Variants in CAST observed in about 807,000 individuals in gnomAD.
CAST encodes MIR583 host.
CAST carries 76 observed loss-of-function variants against 119.6 expected under a neutral mutation model. The observed-to-expected ratio is 0.64, with a 90% CI of 0.53 to 0.77. The LOEUF is 0.77. CAST is among the 30% of genes least tolerant of loss of function. The pLI is 0.00. For synonymous variants in CAST, 319 were observed against 331.6 expected, an observed-to-expected ratio of 0.96 and a Z score of 0.41; for missense variants, 953 against 946.5, an observed-to-expected ratio of 1.01 and a Z score of -0.09.
chr5:96,099,371 A>G, the CAST span, among the ~76,000 whole-genome samples: 1 of 152,190 alleles, frequency 6.6e-6, no homozygotes, highest in South Asian at 2.1e-4. Context: ...GTTGAATAAG[A>G]GTGGTGAGAG....
chr5:96,662,609 G>A, intron 1 of CAST, 112 bp downstream of exon 1: 2 of 1,250,718 alleles, frequency 1.6e-6, no homozygotes, highest in South Asian at 2.5e-5. Flanking sequence ...AGTCCCCGGC[G>A]CCCCCGCGGG....
At chr5:96,693,549 C>T (rs1226072458) in intron 2 of CAST, among the ~76,000 whole-genome samples, 5 of 152,194 alleles carry the variant, frequency 3.3e-5, no homozygotes, top group African/African-American at 9.6e-5. Context: ...GAGTTTGGGA[C>T]AGCTGTGTCA....
At chr5:96,069,385 ATGTG>A in the CAST span, among the ~76,000 whole-genome samples, 740 of 96,120 alleles carry the variant, frequency 7.7e-3, 5 homozygotes, top group Non-Finnish European at 0.011. Flanking sequence ...GTGTGTGTCT[ATGTG>A]TGTGTGTGTG....
At chr5:96,435,228 A>G in the CAST span, among the ~76,000 whole-genome samples, 209 of 152,320 alleles carry the variant, frequency 1.4e-3, 1 homozygote, top group African/African-American at 4.8e-3. Context: ...AGTTTGGCAG[A>G]GTGTTGGCAA....
At chr5:96,571,906 G>T (rs1355676022) in intron 1 of CAST, among the ~76,000 whole-genome samples, 1 of 152,104 alleles carries the variant, frequency 6.6e-6, no homozygotes, top group Non-Finnish European at 1.5e-5. Context: ...CATATACAAA[G>T]TGCTCAATGT....
At chr5:96,444,421 T>C in the CAST span, among the ~76,000 whole-genome samples, 1 of 152,260 alleles carries the variant, frequency 6.6e-6, no homozygotes, top group Non-Finnish European at 1.5e-5. Flanking sequence ...ATTGAATTAT[T>C]CTCTCATTTT....
chr5:96,768,021 C>T (rs1770638684), intron 29 of CAST, 22 bp downstream of exon 29: 1 of 1,483,726 alleles, frequency 6.7e-7, no homozygotes, highest in Non-Finnish European at 9.4e-7. Context: ...TTTCACATTT[C>T]ACTCTTTGAA....
chr5:96,063,606 G>A, the CAST span, among the ~76,000 whole-genome samples: 9 of 152,282 alleles, frequency 5.9e-5, no homozygotes, highest in East Asian at 1.5e-3. Flanking sequence ...TCAGCAAAGA[G>A]CAGAGACCCC....
chr5:96,457,794 A>G, the CAST span, among the ~76,000 whole-genome samples: 1 of 152,166 alleles, frequency 6.6e-6, no homozygotes, highest in South Asian at 2.1e-4. Flanking sequence ...ACACCTAACA[A>G]AAGGATGGTG....
the CAST span, among the ~76,000 whole-genome samples, chr5:96,263,696 C>G: frequency 6.0e-4 from 91 of 152,198 alleles, no homozygotes; most frequent in African/African-American, 2.1e-3. Flanking sequence ...CATTTTTACA[C>G]TGCTATAAAA....
the CAST span, among the ~76,000 whole-genome samples, chr5:96,183,502 TC>T: frequency 6.6e-6 from 1 of 152,190 alleles, no homozygotes; most frequent in Admixed American, 6.5e-5. Context: ...GGAATTTTTT[TC>T]AGAAACACTG....
chr5:96,712,830 T>C (rs1401507286), intron 3 of CAST, among the ~76,000 whole-genome samples: 1 of 152,184 alleles, frequency 6.6e-6, no homozygotes, highest in African/African-American at 2.4e-5. Flanking sequence ...TCTCATGACG[T>C]TGGCTTTTTA....
At chr5:96,617,631 T>C (rs916960252) in intron 1 of CAST, among the ~76,000 whole-genome samples, 1 of 149,824 alleles carries the variant, frequency 6.7e-6, no homozygotes, top group Non-Finnish European at 1.5e-5. Context: ...CTACTAAAAA[T>C]ACAAAAAAAA....
the CAST span, among the ~76,000 whole-genome samples, chr5:96,277,754 T>A: frequency 6.6e-6 from 1 of 152,018 alleles, no homozygotes. Flanking sequence ...AAGTAAGGTT[T>A]TTTTTTTTCC....
At chr5:96,235,586 TC>T in the CAST span, among the ~76,000 whole-genome samples, 2 of 152,184 alleles carry the variant, frequency 1.3e-5, no homozygotes, top group Non-Finnish European at 2.9e-5. Context: ...AGCTTGAATC[TC>T]CCCACTAGAA....
intron 1 of CAST, among the ~76,000 whole-genome samples, chr5:96,558,537 T>C (rs1226211016): frequency 3.9e-5 from 6 of 151,958 alleles, no homozygotes; most frequent in Non-Finnish European, 8.8e-5. Flanking sequence ...ACACCACAGA[T>C]CCCACAGAAA....
the CAST span, among the ~76,000 whole-genome samples, chr5:96,049,223 G>C: frequency 6.6e-6 from 1 of 152,216 alleles, no homozygotes; most frequent in Admixed American, 6.5e-5. Context: ...CAATAAACAT[G>C]ATTTTAAAAA....
chr5:96,020,803 C>A, the CAST span, among the ~76,000 whole-genome samples: 1 of 151,496 alleles, frequency 6.6e-6, no homozygotes, highest in African/African-American at 2.4e-5. Flanking sequence ...GTGCTTGAAT[C>A]ATCCCCAAAC....
At chr5:96,116,787 C>T in the CAST span, among the ~76,000 whole-genome samples, 1 of 152,148 alleles carries the variant, frequency 6.6e-6, no homozygotes, top group African/African-American at 2.4e-5. Context: ...GGTAGTGTAT[C>T]TTCTTTCTAC....
Sources: allele counts gnomAD v4.1 joint callset (sites outside exome capture counted in the v4.1 genomes callset), GRCh38; gene constraint gnomAD v4.1.1; transcripts MANE v1.5; gene names NCBI Gene and HGNC (gene_info 2026-07-23, HGNC 2026-07-21).